RTN4RL1: variants seen among roughly 807,000 people sequenced by gnomAD.
The protein encoded by RTN4RL1 is reticulon 4 receptor like 1, also known as reticulon-4 receptor-like 1.
In RTN4RL1, 7 loss-of-function variants were observed where a neutral mutation model predicts 25.6. That is an observed-to-expected ratio of 0.27 (90% CI 0.16 to 0.51). RTN4RL1 has a LOEUF of 0.51. Among genes scored for constraint, RTN4RL1 ranks in the 20% least tolerant of loss-of-function variants. The pLI, the probability that RTN4RL1 is intolerant of heterozygous loss-of-function variation, is 0.97. For missense variants in RTN4RL1, 500 were observed against 615.6 expected (o/e 0.81, Z 1.99); for synonymous variants, 297 against 288.2 (o/e 1.03, Z -0.31).
intron 1 of RTN4RL1, among the ~76,000 whole-genome samples, chr17:1,946,006 A>G (rs968901670): frequency 2.0e-5 from 3 of 152,188 alleles, no homozygotes; most frequent in African/African-American, 7.2e-5. Flanking sequence ...GAGAGCAGAG[A>G]CTAGGCCCTG....
chr17:1,942,991 G>C (rs1390359839), intron 1 of RTN4RL1, among the ~76,000 whole-genome samples: 1 of 152,196 alleles, frequency 6.6e-6, no homozygotes, highest in African/African-American at 2.4e-5. Flanking sequence ...CCAGAGCCAG[G>C]ATGGCCAGAG....
chr17:1,969,199 C>T (rs2066806839), intron 1 of RTN4RL1, among the ~76,000 whole-genome samples: 1 of 151,896 alleles, frequency 6.6e-6, no homozygotes, highest in African/African-American at 2.4e-5. Context: ...GCTGGGATTA[C>T]AGGCACCCAC....
intron 1 of RTN4RL1, among the ~76,000 whole-genome samples, chr17:1,980,071 C>G (rs910451322): frequency 2.0e-4 from 30 of 151,956 alleles, no homozygotes; most frequent in Admixed American, 1.4e-3. Flanking sequence ...CTTTTCTTTT[C>G]TTTTTTGTTT....
intron 1 of RTN4RL1, among the ~76,000 whole-genome samples, chr17:1,960,303 C>G (rs1323093401): frequency 1.3e-5 from 2 of 151,790 alleles, no homozygotes; most frequent in Admixed American, 6.6e-5. Flanking sequence ...AGCCTAAGCA[C>G]AGCCAGAAGG....
chr17:2,012,073 A>T (rs1369722615), intron 1 of RTN4RL1, among the ~76,000 whole-genome samples: 3 of 152,182 alleles, frequency 2.0e-5, no homozygotes, highest in Admixed American at 1.3e-4. Flanking sequence ...GCACCACCCG[A>T]GCTCAGCTTC....
intron 1 of RTN4RL1, among the ~76,000 whole-genome samples, chr17:1,939,119 G>C (rs35659959): frequency 2.6e-5 from 4 of 151,826 alleles, no homozygotes; most frequent in Middle Eastern, 3.4e-3. Context: ...TTGGGAGGCC[G>C]AGGCGGGCGG....
chr17:1,959,178 GGGCAGTCTAT>G (rs1915849204), intron 1 of RTN4RL1, among the ~76,000 whole-genome samples: 1 of 152,194 alleles, frequency 6.6e-6, no homozygotes, highest in Non-Finnish European at 1.5e-5. Context: ...CTTATACTCT[GGGCAGTCTAT>G]GGCACACAGT....
At chr17:1,968,194 G>A (rs1162304604) in intron 1 of RTN4RL1, among the ~76,000 whole-genome samples, 1 of 152,054 alleles carries the variant, frequency 6.6e-6, no homozygotes, top group African/African-American at 2.4e-5. Context: ...ACTGCTTTCC[G>A]CACAGGTCCT....
intron 1 of RTN4RL1, among the ~76,000 whole-genome samples, chr17:1,951,758 C>T (rs1915686014): frequency 6.6e-6 from 1 of 152,046 alleles, no homozygotes; most frequent in South Asian, 2.1e-4. Context: ...CGGCCCGAAG[C>T]CACAAAGTTT....
At chr17:1,950,193 G>A (rs1915644235) in intron 1 of RTN4RL1, among the ~76,000 whole-genome samples, 1 of 152,186 alleles carries the variant, frequency 6.6e-6, no homozygotes, top group African/African-American at 2.4e-5. Flanking sequence ...GTGGCCGTGA[G>A]AGACCTTGGG....
chr17:2,009,706 G>A (rs946615705), intron 1 of RTN4RL1, among the ~76,000 whole-genome samples: 1 of 127,432 alleles, frequency 7.8e-6, no homozygotes, highest in Non-Finnish European at 1.6e-5. Context: ...CCGATGTAAA[G>A]GGGGATCCCC....
intron 1 of RTN4RL1, among the ~76,000 whole-genome samples, chr17:2,012,983 A>C (rs995595953): frequency 7.2e-5 from 11 of 152,120 alleles, no homozygotes; most frequent in African/African-American, 2.7e-4. Flanking sequence ...TAGCACAGAC[A>C]GGATTTCATC....
chr17:2,021,812 C>A (rs1336546071), intron 1 of RTN4RL1, among the ~76,000 whole-genome samples: 1 of 150,454 alleles, frequency 6.6e-6, no homozygotes, highest in African/African-American at 2.4e-5. Flanking sequence ...AACTCGGCCT[C>A]CCAAAGTGCT....
At chr17:1,969,998 C>G (rs2151312765) in intron 1 of RTN4RL1, among the ~76,000 whole-genome samples, 1 of 144,376 alleles carries the variant, frequency 6.9e-6, no homozygotes, top group Non-Finnish European at 1.5e-5. Flanking sequence ...CATGTGGCCT[C>G]AGGATTTCTG....
intron 1 of RTN4RL1, among the ~76,000 whole-genome samples, chr17:2,023,869 G>A (rs1179836307): frequency 6.6e-6 from 1 of 152,174 alleles, no homozygotes; most frequent in East Asian, 1.9e-4. Flanking sequence ...CTCCCGCAGG[G>A]CCGGGGCAGC....
intron 1 of RTN4RL1, among the ~76,000 whole-genome samples, chr17:1,954,285 C>T (rs1915743161): frequency 6.6e-6 from 1 of 152,032 alleles, no homozygotes; most frequent in African/African-American, 2.4e-5. Context: ...TACTGGGCAA[C>T]TCTGTGATTT....
At chr17:1,979,522 AGT>A (rs2066857835) in intron 1 of RTN4RL1, among the ~76,000 whole-genome samples, 1 of 17,968 alleles carries the variant, frequency 5.6e-5, no homozygotes, top group Non-Finnish European at 1.6e-4. Context: ...AGAAATGCTG[AGT>A]GGGGGGGTGT....
intron 1 of RTN4RL1, among the ~76,000 whole-genome samples, chr17:1,992,071 A>T (rs1480115135): frequency 1.1e-5 from 1 of 90,972 alleles, no homozygotes; most frequent in Non-Finnish European, 2.6e-5. Context: ...GCATGCAGAA[A>T]AAGAGTCCTC....
intron 1 of RTN4RL1, among the ~76,000 whole-genome samples, chr17:1,943,695 G>A (rs1489697056): frequency 6.6e-6 from 1 of 152,194 alleles, no homozygotes; most frequent in African/African-American, 2.4e-5. Flanking sequence ...GTCCCTCCAT[G>A]CTGCACCCAA....
Sources: allele counts gnomAD v4.1 joint callset (sites outside exome capture counted in the v4.1 genomes callset), GRCh38; gene constraint gnomAD v4.1.1; transcripts MANE v1.5; gene names NCBI Gene and HGNC (gene_info 2026-07-23, HGNC 2026-07-21).